MRPS28: variants seen among roughly 807,000 people sequenced by gnomAD.
MRPS28 encodes small ribosomal subunit protein bS1m.
In MRPS28, 7 loss-of-function variants were observed where a neutral mutation model predicts 10.8. The observed-to-expected ratio is 0.65, with a 90% CI of 0.37 to 1.22. The LOEUF is 1.22. Ranked by LOEUF, MRPS28 falls within the 50% of genes most tolerant of loss-of-function variation. The probability of loss-of-function intolerance (pLI) is 0.02; values close to 1 mark genes in which losing one functional copy is unlikely to be tolerated. For missense variants in MRPS28, 265 were observed against 232.9 expected (o/e 1.14, Z -0.90); for synonymous variants, 121 against 93.3 (o/e 1.30, Z -1.71).
At chr8:80,009,247 A>C (rs1212473817) in intron 1 of MRPS28, among the ~76,000 whole-genome samples, 1 of 152,120 alleles carries the variant, frequency 6.6e-6, no homozygotes, top group East Asian at 1.9e-4. Context: ...GGACACAGGA[A>C]AGGGAACATC....
chr8:80,013,694 G>T (rs1809120823), intron 1 of MRPS28, among the ~76,000 whole-genome samples: 1 of 147,390 alleles, frequency 6.8e-6, no homozygotes, highest in Non-Finnish European at 1.5e-5. Flanking sequence ...TAAAAGTAAT[G>T]AAATGGTATA....
At chr8:79,963,835 C>T (rs1807435007) in intron 2 of MRPS28, among the ~76,000 whole-genome samples, 1 of 152,098 alleles carries the variant, frequency 6.6e-6, no homozygotes, top group South Asian at 2.1e-4. Flanking sequence ...ACACTCGTCC[C>T]TGTGGCCAGC....
intron 2 of MRPS28, among the ~76,000 whole-genome samples, chr8:79,967,620 T>C (rs1807534016): frequency 6.6e-6 from 1 of 152,196 alleles, no homozygotes; most frequent in African/African-American, 2.4e-5. Flanking sequence ...TGCTTTCTGA[T>C]GGAATCCTAA....
chr8:79,979,802 A>G (rs1416358046), intron 2 of MRPS28, among the ~76,000 whole-genome samples: 1 of 149,908 alleles, frequency 6.7e-6, no homozygotes, highest in African/African-American at 2.4e-5. Flanking sequence ...CAGCAGCCTT[A>G]CTGTACCATG....
chr8:79,939,684 A>G (rs1280098210), intron 2 of MRPS28, among the ~76,000 whole-genome samples: 1 of 152,100 alleles, frequency 6.6e-6, no homozygotes, highest in Admixed American at 6.6e-5. Flanking sequence ...TAAGAAATAT[A>G]TGTTGGCCGG....
intron 2 of MRPS28, among the ~76,000 whole-genome samples, chr8:79,968,116 T>C (rs1439379079): frequency 6.6e-6 from 1 of 152,186 alleles, no homozygotes; most frequent in African/African-American, 2.4e-5. Flanking sequence ...TTCCATTTCA[T>C]CAACAATACC....
intron 2 of MRPS28, among the ~76,000 whole-genome samples, chr8:79,955,152 T>C (rs923911167): frequency 6.6e-6 from 1 of 152,150 alleles, no homozygotes; most frequent in Non-Finnish European, 1.5e-5. Flanking sequence ...ATAGACCCAG[T>C]TTTCCTGACT....
At chr8:79,982,720 C>A (rs528238681) in intron 2 of MRPS28, among the ~76,000 whole-genome samples, 4 of 152,336 alleles carry the variant, frequency 2.6e-5, no homozygotes, top group South Asian at 4.1e-4. Context: ...GGACGGGCAC[C>A]CGCCATTGCC....
At chr8:79,942,276 A>C (rs1362204965) in intron 2 of MRPS28, among the ~76,000 whole-genome samples, 2 of 152,350 alleles carry the variant, frequency 1.3e-5, no homozygotes, top group African/African-American at 4.8e-5. Flanking sequence ...CATTCAAGGG[A>C]GTGATACACT....
At chr8:79,974,771 C>T (rs61659662) in intron 2 of MRPS28, among the ~76,000 whole-genome samples, 7,380 of 151,914 alleles carry the variant, frequency 0.049, 581 homozygotes, top group African/African-American at 0.17. Flanking sequence ...CAGATACGGG[C>T]AGGCAATGAC....
chr8:79,958,478 C>T (rs1440821258), intron 2 of MRPS28: 1 of 592,284 alleles, frequency 1.7e-6, no homozygotes, highest in Admixed American at 3.3e-5. Flanking sequence ...GAACTCAAGG[C>T]TATTTTAAAA....
intron 2 of MRPS28, among the ~76,000 whole-genome samples, chr8:79,934,061 A>G (rs1454189430): frequency 1.3e-5 from 2 of 152,206 alleles, no homozygotes; most frequent in Admixed American, 6.5e-5. Context: ...CATGGTGACT[A>G]TCTGATGAAT....
intron 2 of MRPS28, among the ~76,000 whole-genome samples, chr8:79,919,819 T>C (rs1397711749): frequency 6.6e-6 from 1 of 152,170 alleles, no homozygotes; most frequent in Non-Finnish European, 1.5e-5. Flanking sequence ...TTATTACACT[T>C]TAAGTTTTAG....
intron 1 of MRPS28, among the ~76,000 whole-genome samples, chr8:80,004,664 G>A (rs1808774072): frequency 6.6e-6 from 1 of 152,142 alleles, no homozygotes; most frequent in Non-Finnish European, 1.5e-5. Flanking sequence ...GAGAGAAGAA[G>A]GCTTCAGACG....
At chr8:80,004,796 C>G (rs558678270) in intron 1 of MRPS28, among the ~76,000 whole-genome samples, 1 of 152,280 alleles carries the variant, frequency 6.6e-6, no homozygotes, top group Admixed American at 6.5e-5. Flanking sequence ...CTTAAATGAC[C>G]TGATGGAGCT....
chr8:80,024,242 G>T (rs1251985420), intron 1 of MRPS28, among the ~76,000 whole-genome samples: 1 of 151,396 alleles, frequency 6.6e-6, no homozygotes, highest in African/African-American at 2.4e-5. Flanking sequence ...AAAAAAAAAA[G>T]ATTTGGTTGC....
chr8:79,944,636 T>C (rs145072976), intron 2 of MRPS28, among the ~76,000 whole-genome samples: 1 of 152,118 alleles, frequency 6.6e-6, no homozygotes, highest in East Asian at 1.9e-4. Context: ...GTGGTAGTAG[T>C]AAGATATGCA....
At chr8:79,925,745 T>C (rs1368722498) in intron 2 of MRPS28, among the ~76,000 whole-genome samples, 1 of 152,162 alleles carries the variant, frequency 6.6e-6, no homozygotes, top group Non-Finnish European at 1.5e-5. Flanking sequence ...CCCAGCACTT[T>C]GGGAGACCGA....
At chr8:79,931,562 G>A (rs890385883) in intron 2 of MRPS28, among the ~76,000 whole-genome samples, 2 of 152,138 alleles carry the variant, frequency 1.3e-5, no homozygotes, top group Admixed American at 1.3e-4. Flanking sequence ...AATCATTACC[G>A]TAAAAGAGGA....
Sources: gnomAD v4.1 joint callset for allele counts (sites outside exome capture counted in the v4.1 genomes callset) on GRCh38, gnomAD v4.1.1 for gene constraint, MANE v1.5 for transcripts, NCBI Gene and HGNC (gene_info 2026-07-23, HGNC 2026-07-21) for gene names.